N4BP2L1: variants seen among roughly 807,000 people sequenced by gnomAD.
N4BP2L1 encodes NEDD4-binding protein 2-like 1.
Under a neutral mutation model 21.2 loss-of-function variants are expected in N4BP2L1, and 12 were observed. The ratio of observed to expected loss-of-function variants is 0.57; its 90% CI spans 0.36 to 0.92. N4BP2L1 has a LOEUF of 0.92. Among genes scored for constraint, N4BP2L1 ranks in the 40% least tolerant of loss-of-function variants. The pLI is 0.01. For synonymous variants in N4BP2L1, 104 were observed against 112.8 expected, an observed-to-expected ratio of 0.92 and a Z score of 0.49; for missense variants, 259 against 310.6, an observed-to-expected ratio of 0.83 and a Z score of 1.25.
chr13:32,403,726 A>T (rs759722396), intron 4 of N4BP2L1: 1 of 536,074 alleles, frequency 1.9e-6, no homozygotes, highest in African/African-American at 1.9e-5. Context: ...ATTCTGATGG[A>T]GTAGTCCACA....
chr13:32,429,309 C>T (rs1157268655), upstream of N4BP2L1, among the ~76,000 whole-genome samples: 1 of 152,228 alleles, frequency 6.6e-6, no homozygotes, highest in East Asian at 1.9e-4. Flanking sequence ...ATGAGCTGCT[C>T]TCCCTTGAAA....
chr13:32,407,021 C>T, intron 3 of N4BP2L1: 1 of 540,748 alleles, frequency 1.8e-6, no homozygotes, highest in Non-Finnish European at 3.3e-6. Flanking sequence ...AGACCATTTG[C>T]CAAGGACTAT....
At chr13:32,422,036 C>T (rs1405394126) in intron 1 of N4BP2L1, among the ~76,000 whole-genome samples, 1 of 152,136 alleles carries the variant, frequency 6.6e-6, no homozygotes, top group African/African-American at 2.4e-5. Flanking sequence ...TTGACTACCA[C>T]ATCTCTCTCC....
Position 32,402,001 on chromosome 13 carries a change from A to C in N4BP2L1, c.*941T>G. The C allele has an allele frequency of 1.0e-6, 1 of 985,254 alleles. No individual in the cohort carries two copies. The highest frequency in any genetic ancestry group is 1.7e-5 in the African/African-American group (1 of 57,330). The allele number at this position is 985,254 out of a possible 1,614,324, so 61.0% of individuals were successfully genotyped here. A position where few individuals can be genotyped will look rare whatever the true frequency, so the allele number is the denominator to read the frequency against. Reference sequence around the variant, plus strand: ...TGTCTTAATGCCACATAAAACATCAACTGCTCATTTTGTAATGAGCATGGC... The same window carrying C: ...TGTCTTAATGCCACATAAAACATCACCTGCTCATTTTGTAATGAGCATGGC... On this transcript the variant is annotated 3_prime_UTR_variant, in exon 5 of 5. Coordinates refer to ENST00000380130, the MANE Select transcript of N4BP2L1 (RefSeq NM_052818.3).
intron 1 of N4BP2L1, chr13:32,411,775 A>G: frequency 1.0e-6 from 1 of 976,916 alleles, no homozygotes; most frequent in Non-Finnish European, 1.2e-6. Flanking sequence ...TCTTTATTTA[A>G]TAATAGAGAA....
rs1370269019 is a variant in N4BP2L1 at position 32,428,021 on chromosome 13, T to C, written c.62A>G (p.Gln21Arg). ...RLSLQPQQQQQRQRPPRPPPR... is the reference protein window; with the variant it reads ...RLSLQPQQQQRRQRPPRPPPR... Reference sequence around the variant, plus strand: ...GGGCGGCCGGGGCGGCCGCTGCCGCTGCTGCTGCTGCTGGGGCTGGAGGCT... The same window carrying C: ...GGGCGGCCGGGGCGGCCGCTGCCGCCGCTGCTGCTGCTGGGGCTGGAGGCT... Residue 21 changes from glutamine to arginine, a missense_variant, in exon 1 of 5, where the codon CAG becomes CGG. Coordinates refer to ENST00000380130, the MANE Select transcript of N4BP2L1 (RefSeq NM_052818.3). 2 of 1,522,044 alleles carry C rather than the reference T, an allele frequency of 1.3e-6. No individual in the cohort carries two copies. Among genetic ancestry groups the C allele is most frequent in the Admixed American group, 2.1e-5 (1 of 47,722 alleles). The allele number at this position is 1,522,044 out of a possible 1,614,324, so 94.3% of individuals were successfully genotyped here.
intron 1 of N4BP2L1, among the ~76,000 whole-genome samples, chr13:32,426,907 G>A (rs1403683390): frequency 6.6e-6 from 1 of 152,222 alleles, no homozygotes; most frequent in Non-Finnish European, 1.5e-5. Context: ...ATATACTGGC[G>A]GGGTGGGATA....
chr13:32,424,917 A>G (rs559081708), intron 1 of N4BP2L1: 1 of 152,376 alleles, frequency 6.6e-6, no homozygotes, highest in South Asian at 2.1e-4. Context: ...GAGACAAGAC[A>G]TATCTTAATT....
At chr13:32,427,185 T>C (rs1006247678) in intron 1 of N4BP2L1, among the ~76,000 whole-genome samples, 1 of 152,244 alleles carries the variant, frequency 6.6e-6, no homozygotes, top group African/African-American at 2.4e-5. Context: ...TGGGCGCCCA[T>C]GGCGAGGCTC....
intron 3 of N4BP2L1, 56 bp from the exon 4 acceptor site, chr13:32,404,453 G>C (rs754083841): frequency 6.5e-5 from 80 of 1,237,932 alleles, no homozygotes; most frequent in Non-Finnish European, 8.8e-5. Flanking sequence ...GTTTGGGAAT[G>C]TTTATGCTGC....
chr13:32,415,250 C>T (rs907821876), intron 1 of N4BP2L1, among the ~76,000 whole-genome samples: 1 of 152,190 alleles, frequency 6.6e-6, no homozygotes, highest in African/African-American at 2.4e-5. Context: ...ATGTTCCACA[C>T]AGCCAAAGAG....
chr13:32,414,177 C>T (rs770053900), intron 1 of N4BP2L1, among the ~76,000 whole-genome samples: 94 of 152,246 alleles, frequency 6.2e-4, no homozygotes, highest in South Asian at 1.2e-3. Flanking sequence ...CCACTGTGCC[C>T]GGCCTAACCA....
chr13:32,411,677 C>A (rs1397222735), intron 1 of N4BP2L1: 5 of 985,202 alleles, frequency 5.1e-6, no homozygotes, highest in Non-Finnish European at 4.8e-6. Context: ...TCACCTCCCA[C>A]AACCCCCGCT....
chr13:32,414,131 C>T (rs1349076016), intron 1 of N4BP2L1, among the ~76,000 whole-genome samples: 1 of 152,190 alleles, frequency 6.6e-6, no homozygotes, highest in Non-Finnish European at 1.5e-5. Flanking sequence ...ATCCACCCGC[C>T]TAGGCCTCTC....
Position 32,402,188 on chromosome 13 carries a change from A to G in N4BP2L1, c.*754T>C. On this transcript the variant is annotated 3_prime_UTR_variant, in exon 5 of 5. Transcript: ENST00000380130. Reference sequence around the variant, plus strand: ...TTATGAAGGCAGGCTTATTTTATTTACACTATTAGCACAACAGCCAAAAGT... The same window carrying G: ...TTATGAAGGCAGGCTTATTTTATTTGCACTATTAGCACAACAGCCAAAAGT... The G allele has an allele frequency of 1.0e-6, 1 of 984,272 alleles. No individual in the cohort carries two copies. The highest frequency in any genetic ancestry group is 4.7e-5 in the South Asian group (1 of 21,262). The allele number at this position is 984,272 out of a possible 1,614,324, so 61.0% of individuals were successfully genotyped here.
chr13:32,428,235 G>T, upstream of N4BP2L1: 1 of 701,212 alleles, frequency 1.4e-6, no homozygotes, highest in Non-Finnish European at 2.1e-6. Flanking sequence ...CCGGAACCGT[G>T]CTGCGTGGGA....
chr13:32,423,551 A>T, intron 1 of N4BP2L1, among the ~76,000 whole-genome samples: 1 of 152,264 alleles, frequency 6.6e-6, no homozygotes, highest in Non-Finnish European at 1.5e-5. Flanking sequence ...TTCATTTAAA[A>T]AGGATGTTTT....
rs139145056 is a variant in N4BP2L1 at position 32,405,236 on chromosome 13, G to A, written c.397-839C>T. On this transcript the variant is annotated intron_variant, in intron 3 of 4. Coordinates refer to ENST00000380130, the MANE Select transcript of N4BP2L1 (RefSeq NM_052818.3). ...GATAAAAAGTAAAATGAGGCCGGGC[G>A]CGGTGGCTCACACCTGTAATCCCAG... Among the ~76,000 whole-genome samples the A allele has an allele frequency of 7.7e-3, 1,167 of 152,240 alleles. 20 individuals carry two copies. The highest frequency in any genetic ancestry group is 0.027 in the African/African-American group (1,122 of 41,528).
chr13:32,427,296 G>A (rs1191995935), intron 1 of N4BP2L1, among the ~76,000 whole-genome samples: 1 of 152,236 alleles, frequency 6.6e-6, no homozygotes, highest in Non-Finnish European at 1.5e-5. Context: ...CCCCGACTTC[G>A]CCAGATTTTC....
Sources: gnomAD v4.1 joint callset for allele counts (sites outside exome capture counted in the v4.1 genomes callset) on GRCh38, gnomAD v4.1.1 for gene constraint, MANE v1.5 for transcripts, NCBI Gene and HGNC (gene_info 2026-07-23, HGNC 2026-07-21) for gene names.